Variants in EYS observed in about 807,000 individuals in gnomAD.
EYS encodes EGF-like photoreceptor maintenance factor.
Under a neutral mutation model 282.1 loss-of-function variants are expected in EYS, and 250 were observed. That is an observed-to-expected ratio of 0.89 (90% confidence interval 0.80 to 0.98). The LOEUF is 0.98. Ranked by LOEUF, EYS falls within the 50% of genes least tolerant of loss-of-function variation. The pLI, the probability that EYS is intolerant of heterozygous loss-of-function variation, is 0.00. For synonymous variants in EYS, 1,355 were observed against 1,282.9 expected, an observed-to-expected ratio of 1.06 and a Z score of -1.20; for missense variants, 4,016 against 3,709.0, an observed-to-expected ratio of 1.08 and a Z score of -2.15.
chr6:64,612,237 T>C (rs1054160836), intron 24 of EYS, among the ~76,000 whole-genome samples: 2 of 152,104 alleles, frequency 1.3e-5, no homozygotes, highest in African/African-American at 4.8e-5. Context: ...TTCCACACTA[T>C]ATAAACATCT....
At chr6:64,747,114 T>G (rs541378393) in intron 22 of EYS, among the ~76,000 whole-genome samples, 76 of 152,264 alleles carry the variant, frequency 5.0e-4, no homozygotes, top group African/African-American at 1.7e-3. Context: ...TTTAAGTTAG[T>G]TTTTGTGAGT....
chr6:63,840,122 A>G (rs1771914878), intron 36 of EYS, among the ~76,000 whole-genome samples: 1 of 145,722 alleles, frequency 6.9e-6, no homozygotes, highest in Non-Finnish European at 1.5e-5. Flanking sequence ...ATCTCTGCTC[A>G]CTGCAAGCTC....
intron 35 of EYS, among the ~76,000 whole-genome samples, chr6:63,895,066 G>A (rs1245282590): frequency 1.2e-4 from 18 of 151,442 alleles, no homozygotes; most frequent in Admixed American, 6.6e-4. Flanking sequence ...GAGGCCCACC[G>A]AGCCATTATT....
intron 24 of EYS, among the ~76,000 whole-genome samples, chr6:64,601,461 CT>C (rs1268400331): frequency 1.3e-5 from 2 of 152,004 alleles, no homozygotes; most frequent in African/African-American, 4.8e-5. Context: ...GAAGTCCTCC[CT>C]GATTTTTCAT....
chr6:64,245,639 C>T (rs979848796), intron 30 of EYS, among the ~76,000 whole-genome samples: 1 of 152,112 alleles, frequency 6.6e-6, no homozygotes, highest in Non-Finnish European at 1.5e-5. Context: ...TCAGCTGGTT[C>T]CTGTCTCATG....
intron 41 of EYS, among the ~76,000 whole-genome samples, chr6:63,747,516 T>G (rs1214354201): frequency 1.3e-5 from 2 of 152,152 alleles, no homozygotes; most frequent in East Asian, 3.8e-4. Flanking sequence ...ATTTTCTGTC[T>G]TGTTGATCTG....
At chr6:65,512,489 T>C (rs1467493698) in intron 2 of EYS, among the ~76,000 whole-genome samples, 1 of 65,748 alleles carries the variant, frequency 1.5e-5, no homozygotes, top group Non-Finnish European at 2.6e-5. Flanking sequence ...CGAGACTCTA[T>C]CTCAAAAAAA....
intron 29 of EYS, among the ~76,000 whole-genome samples, chr6:64,366,922 G>T (rs1264061083): frequency 6.6e-6 from 1 of 152,058 alleles, no homozygotes; most frequent in African/African-American, 2.4e-5. Flanking sequence ...GATGTGGAAA[G>T]AATGTTCAGC....
Position 65,133,297 on chromosome 6 carries a change from C to G in EYS, c.2024-75570G>C, listed in dbSNP as rs78454519. 2.8e-3 allele frequency among the ~76,000 whole-genome samples: 425 copies of G among 151,822 alleles called. 6 individuals carry two copies. Among genetic ancestry groups the G allele is most frequent in the Middle Eastern group, 0.01 (3 of 294 alleles). On this transcript the variant is annotated intron_variant, in intron 12 of 42. Transcript: ENST00000503581. Reference sequence around the variant, plus strand: ...AAACAAAAACAAAAAAAGCAAACAACAACAACAAAAAACACCAAACAAGCA... The same window carrying G: ...AAACAAAAACAAAAAAAGCAAACAAGAACAACAAAAAACACCAAACAAGCA...
chr6:65,458,218 T>C (rs1328460910), intron 5 of EYS, among the ~76,000 whole-genome samples: 1 of 152,174 alleles, frequency 6.6e-6, no homozygotes, highest in Non-Finnish European at 1.5e-5. Flanking sequence ...AATCTGATCA[T>C]GCATAAAGTA....
At chr6:65,665,879 T>G (rs1768180807) in intron 1 of EYS, among the ~76,000 whole-genome samples, 1 of 151,968 alleles carries the variant, frequency 6.6e-6, no homozygotes, top group South Asian at 2.1e-4. Flanking sequence ...AATAATAGTG[T>G]GGGTTATTTC....
At chr6:64,181,852 G>A (rs1003999324) in intron 31 of EYS, among the ~76,000 whole-genome samples, 1 of 152,086 alleles carries the variant, frequency 6.6e-6, no homozygotes, top group African/African-American at 2.4e-5. Context: ...GCTTTTGCAA[G>A]CAATTCATTT....
rs1204902894 is a variant in EYS, at chr6:65,314,110, T to A, written c.1767-17991A>T. On this transcript the variant is annotated intron_variant, in intron 11 of 42. Coordinates refer to ENST00000503581, the MANE Select transcript of EYS (RefSeq NM_001142800.2). ...GGATTGCTCTTCCTTCAGGTGTGTC[T>A]ATCTGTGTGTGTGTGTGTATGTGCA... is the stretch of plus-strand genomic sequence containing the variant. Among the ~76,000 whole-genome samples, 5 of 143,784 alleles carry A rather than the reference T, an allele frequency of 3.5e-5. No individual in the cohort carries two copies. In the East Asian group the frequency reaches 9.7e-4, roughly 28 times the overall value. The allele number at this position is 143,784 out of a possible 152,430, so 94.3% of individuals were successfully genotyped here. A position where few individuals can be genotyped will look rare whatever the true frequency, so the allele number is the denominator to read the frequency against.
At chr6:65,578,026 C>A (rs1300674369) in intron 2 of EYS, among the ~76,000 whole-genome samples, 4 of 151,628 alleles carry the variant, frequency 2.6e-5, no homozygotes, top group African/African-American at 9.7e-5. Flanking sequence ...GGAGGTTTCT[C>A]AAAAAATTGA....
At chr6:65,189,501 G>C (rs1192297576) in intron 12 of EYS, among the ~76,000 whole-genome samples, 2 of 151,736 alleles carry the variant, frequency 1.3e-5, no homozygotes. Flanking sequence ...TTTAATGTTA[G>C]TATAAAATAT....
intron 26 of EYS, among the ~76,000 whole-genome samples, chr6:64,441,071 G>T (rs75007496): frequency 6.3e-4 from 96 of 152,186 alleles, no homozygotes; most frequent in African/African-American, 2.0e-3. Context: ...GCTTTACAAA[G>T]AAATTATGTG....
At chr6:64,953,867 A>C (rs1439817982) in intron 14 of EYS, among the ~76,000 whole-genome samples, 6 of 152,008 alleles carry the variant, frequency 3.9e-5, no homozygotes, top group South Asian at 2.1e-4. Context: ...TACATGAAGA[A>C]TATGAAAAGT....
At chr6:64,676,755 T>G (rs1769702511) in intron 22 of EYS, among the ~76,000 whole-genome samples, 1 of 152,082 alleles carries the variant, frequency 6.6e-6, no homozygotes, top group Non-Finnish European at 1.5e-5. Flanking sequence ...AGGGCCCGCT[T>G]CTTCATAGAT....
intron 32 of EYS, among the ~76,000 whole-genome samples, chr6:64,069,731 T>C (rs1006387799): frequency 1.3e-5 from 2 of 152,072 alleles, no homozygotes; most frequent in African/African-American, 4.8e-5. Flanking sequence ...TCAAACTCTT[T>C]GATCTAAGGA....
Sources: gnomAD v4.1 joint callset for allele counts (sites outside exome capture counted in the v4.1 genomes callset) on GRCh38, gnomAD v4.1.1 for gene constraint, MANE v1.5 for transcripts, NCBI Gene and HGNC (gene_info 2026-07-23, HGNC 2026-07-21) for gene names.